The following ULK4 variants were observed in gnomAD, a reference collection of about 807,000 sequenced individuals.
The protein encoded by ULK4 is unc-51 like kinase 4, also known as inactive serine/threonine-protein kinase ULK4.
A neutral mutation model predicts 160.6 loss-of-function variants in ULK4; 133 were observed. The ratio of observed to expected loss-of-function variants is 0.83; its 90% CI spans 0.72 to 0.96. ULK4 has a LOEUF of 0.96. ULK4 is among the 40% of genes least tolerant of loss of function. The pLI, the probability that ULK4 is intolerant of heterozygous loss-of-function variation, is 0.00. For synonymous variants in ULK4, 534 were observed against 539.8 expected, an observed-to-expected ratio of 0.99 and a Z score of 0.15; for missense variants, 1,580 against 1,499.5, an observed-to-expected ratio of 1.05 and a Z score of -0.89.
rs556868769 is a variant in ULK4, at chr3:41,913,447, G to A, written c.804-548C>T. On this transcript the variant is annotated intron_variant, in intron 8 of 36. Transcript: ENST00000301831. ...TCACCGTGTTATCCAGGGTGGTCTC[G>A]ATCTCCTCACCTCGTGATCCACCCG... Among the ~76,000 whole-genome samples the A allele has an allele frequency of 1.7e-4, 26 of 152,104 alleles. No individual in the cohort carries two copies. In the East Asian group the frequency reaches 4.9e-3, roughly 28 times the overall value.
rs147871247 is a variant in ULK4, at chr3:41,940,202, A to G, written c.139-2005T>C. ...CCAGACACGAAGCGCCAGGCCCCTC[A>G]TTCATCATGACTGCTTCCTTTCACC... On this transcript the variant is annotated intron_variant, in intron 2 of 36. Coordinates refer to ENST00000301831, the MANE Select transcript of ULK4 (RefSeq NM_017886.4). Among the ~76,000 whole-genome samples, 1,029 of 152,166 alleles carry G rather than the reference A, an allele frequency of 6.8e-3. 10 individuals carry two copies. The highest frequency in any genetic ancestry group is 0.024 in the African/African-American group (989 of 41,500).
Position 41,836,045 on chromosome 3 carries a change from C to A in ULK4, c.1657-74G>T. Reference sequence around the variant, plus strand: ...AGTTCTTAAACCTATATGTAAAAAGCAGGATACCCTGTAAAAGTCACCATT... The same window carrying A: ...AGTTCTTAAACCTATATGTAAAAAGAAGGATACCCTGTAAAAGTCACCATT... On this transcript the variant is annotated intron_variant, in intron 17 of 36. Transcript: ENST00000301831. The A allele has an allele frequency of 4.0e-6, 4 of 1,008,040 alleles. No individual in the cohort carries two copies. In the South Asian group the frequency reaches 6.2e-5, roughly 16 times the overall value. 62.4% of individuals were successfully genotyped at this position (1,008,040 alleles called of 1,614,324 possible). A position where few individuals can be genotyped will look rare whatever the true frequency, so the allele number is the denominator to read the frequency against.
chr3:41,285,238 G>A (rs1559504447), intron 35 of ULK4, among the ~76,000 whole-genome samples: 2 of 152,224 alleles, frequency 1.3e-5, no homozygotes. Context: ...CCACTACTGA[G>A]TATCTACCTA....
intron 35 of ULK4, among the ~76,000 whole-genome samples, chr3:41,376,472 AC>A (rs2081498495): frequency 6.7e-6 from 1 of 150,314 alleles, no homozygotes; most frequent in South Asian, 2.2e-4. Context: ...TATCTAGAAA[AC>A]CCCACTGTCT....
At chr3:41,396,113 T>G (rs971016894) in intron 35 of ULK4, among the ~76,000 whole-genome samples, 1 of 152,042 alleles carries the variant, frequency 6.6e-6, no homozygotes, top group Non-Finnish European at 1.5e-5. Flanking sequence ...AAATCCAAAC[T>G]TTTTTTCGTA....
intron 35 of ULK4, among the ~76,000 whole-genome samples, chr3:41,253,941 G>T (rs2078784998): frequency 6.6e-6 from 1 of 152,158 alleles, no homozygotes; most frequent in Non-Finnish European, 1.5e-5. Context: ...TTGTAACCAA[G>T]AAGACATAAC....
chr3:41,900,922 TAA>T (rs1698329992), intron 12 of ULK4, 93 bp from the exon 13 acceptor site: 2 of 830,778 alleles, frequency 2.4e-6, no homozygotes, highest in African/African-American at 3.4e-5. Flanking sequence ...GACACCACTG[TAA>T]AATATCACCT....
intron 35 of ULK4, among the ~76,000 whole-genome samples, chr3:41,303,875 C>T (rs1293289239): frequency 6.6e-6 from 1 of 151,982 alleles, no homozygotes; most frequent in Non-Finnish European, 1.5e-5. Flanking sequence ...TGGGGGGCAA[C>T]CAAAAGGTGT....
At chr3:41,840,949 C>G (rs1010578912) in intron 17 of ULK4, among the ~76,000 whole-genome samples, 1 of 150,812 alleles carries the variant, frequency 6.6e-6, no homozygotes, top group Non-Finnish European at 1.5e-5. Context: ...GCCCGGCCAC[C>G]CCGTCTGGGA....
intron 32 of ULK4, among the ~76,000 whole-genome samples, chr3:41,539,722 C>T (rs1331544025): frequency 6.6e-6 from 1 of 152,148 alleles, no homozygotes; most frequent in Non-Finnish European, 1.5e-5. Context: ...GAAAACAAAA[C>T]TTCAGTAGCT....
chr3:41,454,168 A>C (rs1276375434), intron 34 of ULK4, among the ~76,000 whole-genome samples: 1 of 148,032 alleles, frequency 6.8e-6, no homozygotes, highest in Non-Finnish European at 1.5e-5. Flanking sequence ...CTAGAACTTA[A>C]AGTATAATTA....
rs1176843320 is a variant in ULK4, at chr3:41,872,949, T to C, written c.1656+10925A>G. Reference sequence around the variant, plus strand: ...GCGGGTGGATCACGAGGTCAGGAGTTCAAGACCAGCCTGGCCAAGATGGTG... The same window carrying C: ...GCGGGTGGATCACGAGGTCAGGAGTCCAAGACCAGCCTGGCCAAGATGGTG... On this transcript the variant is annotated intron_variant, in intron 17 of 36. Transcript: ENST00000301831. 8.5e-5 allele frequency among the ~76,000 whole-genome samples: 13 copies of C among 152,174 alleles called. No homozygotes were observed. In the East Asian group the frequency reaches 2.3e-3, roughly 27 times the overall value.
intron 32 of ULK4, among the ~76,000 whole-genome samples, chr3:41,514,231 TAA>T (rs2085678868): frequency 6.6e-6 from 1 of 152,186 alleles, no homozygotes; most frequent in African/African-American, 2.4e-5. Context: ...TGAGCCCAGT[TAA>T]AGAGTTAATA....
chr3:41,898,096 A>G (rs1356923236), intron 14 of ULK4, among the ~76,000 whole-genome samples: 6 of 151,948 alleles, frequency 3.9e-5, no homozygotes, highest in Non-Finnish European at 8.8e-5. Flanking sequence ...AACCCTGTGC[A>G]CCTATACCAG....
At chr3:41,270,543 CA>C (rs2079122698) in intron 35 of ULK4, among the ~76,000 whole-genome samples, 1 of 152,098 alleles carries the variant, frequency 6.6e-6, no homozygotes, top group Non-Finnish European at 1.5e-5. Flanking sequence ...AAGGAATTAC[CA>C]TTTTAAAGTT....
intron 31 of ULK4, among the ~76,000 whole-genome samples, chr3:41,572,266 A>T (rs140611003): frequency 1.3e-3 from 192 of 152,214 alleles, no homozygotes; most frequent in Admixed American, 4.4e-3. Flanking sequence ...AGCACACTCC[A>T]GGTTAACCAA....
intron 35 of ULK4, among the ~76,000 whole-genome samples, chr3:41,350,103 T>C (rs1345675715): frequency 6.6e-6 from 1 of 152,226 alleles, no homozygotes; most frequent in East Asian, 1.9e-4. Flanking sequence ...TTATGTAAAC[T>C]TGCTATTCGT....
In ULK4 at chr3:41,640,121, G is replaced by A. The variant is rs113279359; in HGVS notation, c.3071+23486C>T. Among the ~76,000 whole-genome samples the A allele has an allele frequency of 3.7e-3, 558 of 152,188 alleles. 3 individuals are homozygous for A. The highest frequency in any genetic ancestry group is 3.2e-3 in the Non-Finnish European group (216 of 68,002). On this transcript the variant is annotated intron_variant, in intron 30 of 36. Coordinates refer to ENST00000301831, the MANE Select transcript of ULK4 (RefSeq NM_017886.4). ...TCATCATCTTCTCATGGGCAATGGC[G>A]TCCTTATCCTAGCAAATACAAAAGG...
At chr3:41,680,042 G>A (rs2035870302) in intron 29 of ULK4, among the ~76,000 whole-genome samples, 1 of 151,978 alleles carries the variant, frequency 6.6e-6, no homozygotes, top group Non-Finnish European at 1.5e-5. Flanking sequence ...AATATATTTT[G>A]TACAAAAACT....
Sources: gnomAD v4.1 joint callset for allele counts (sites outside exome capture counted in the v4.1 genomes callset) on GRCh38, gnomAD v4.1.1 for gene constraint, MANE v1.5 for transcripts, NCBI Gene and HGNC (gene_info 2026-07-23, HGNC 2026-07-21) for gene names.